LASP1: variants seen among roughly 807,000 people sequenced by gnomAD.
The protein encoded by LASP1 is LIM and SH3 domain protein 1.
In LASP1, 10 loss-of-function variants were observed where a neutral mutation model predicts 38.6. The observed-to-expected ratio is 0.26, with a 90% CI of 0.16 to 0.44. The LOEUF (loss-of-function observed/expected upper bound fraction) is 0.44, where lower values mean the gene tolerates loss of function less well. LASP1 is among the 20% of genes least tolerant of loss of function. LASP1 has a pLI of 1.00. For missense variants in LASP1, 243 were observed against 375.7 expected (o/e 0.65, Z 2.92); for synonymous variants, 132 against 140.8 (o/e 0.94, Z 0.44).
At chr17:38,892,734 A>G (rs1034099816) in intron 3 of LASP1, among the ~76,000 whole-genome samples, 1 of 152,170 alleles carries the variant, frequency 6.6e-6, no homozygotes, top group African/African-American at 2.4e-5. Context: ...CCTGCCCAGG[A>G]TGGGCAGCAA....
intron 2 of LASP1, among the ~76,000 whole-genome samples, chr17:38,883,519 G>T (rs1049201076): frequency 6.6e-6 from 1 of 152,178 alleles, no homozygotes; most frequent in African/African-American, 2.4e-5. Context: ...GTGTGGGGGA[G>T]GGCAAGTGCA....
At chr17:38,914,505 C>T (rs1442867959) in intron 5 of LASP1, 30 bp downstream of exon 5, 4 of 1,567,632 alleles carry the variant, frequency 2.6e-6, no homozygotes, top group South Asian at 1.2e-5. Flanking sequence ...GTGCAGATGA[C>T]CTGAGGCGAG....
intron 2 of LASP1, among the ~76,000 whole-genome samples, chr17:38,878,727 C>T (rs1913854843): frequency 6.6e-6 from 1 of 152,090 alleles, no homozygotes; most frequent in Non-Finnish European, 1.5e-5. Flanking sequence ...CTCATGCCAG[C>T]CCTTTTGGTG....
At chr17:38,917,636 G>A (rs947098533) in intron 6 of LASP1, among the ~76,000 whole-genome samples, 3 of 151,904 alleles carry the variant, frequency 2.0e-5, no homozygotes, top group African/African-American at 4.8e-5. Context: ...AGAAACTACT[G>A]GTGCTTATAA....
intron 3 of LASP1, among the ~76,000 whole-genome samples, chr17:38,897,766 G>T (rs1914527921): frequency 6.6e-6 from 1 of 152,196 alleles, no homozygotes; most frequent in African/African-American, 2.4e-5. Flanking sequence ...CGCGGGGCCT[G>T]TCAAAGGCGC....
At chr17:38,885,664 A>C (rs1914100967) in intron 2 of LASP1, among the ~76,000 whole-genome samples, 1 of 152,144 alleles carries the variant, frequency 6.6e-6, no homozygotes, top group Non-Finnish European at 1.5e-5. Context: ...ATTCCTCGCC[A>C]TGGCCCAGTC....
chr17:38,913,695 C>T (rs547702517), intron 4 of LASP1, among the ~76,000 whole-genome samples: 8 of 152,166 alleles, frequency 5.3e-5, no homozygotes, highest in South Asian at 2.1e-4. Flanking sequence ...CCGCCCCTGC[C>T]GCAGGCATAT....
At chr17:38,892,728 C>T (rs1914370819) in intron 3 of LASP1, among the ~76,000 whole-genome samples, 1 of 152,242 alleles carries the variant, frequency 6.6e-6, no homozygotes, top group African/African-American at 2.4e-5. Flanking sequence ...GTTCCCCCTG[C>T]CCAGGATGGG....
intron 1 of LASP1, 98 bp downstream of exon 1, chr17:38,870,356 G>T: frequency 7.4e-7 from 1 of 1,347,102 alleles, no homozygotes; most frequent in Non-Finnish European, 1.0e-6. Flanking sequence ...TTATCCCCGC[G>T]ATCCCAGGAG....
At position 38,897,713 on chromosome 17, in the gene LASP1, A is replaced by G. The variant is rs116986681; in HGVS notation, c.250-699A>G. On this transcript the variant is annotated intron_variant, in intron 3 of 6. Coordinates refer to ENST00000318008, the MANE Select transcript of LASP1 (RefSeq NM_006148.4). ...ACCCCCGCTGCTTTCCTCCCCTCCT[A>G]TGGCGGTGGCCTCTGAAGCCATCCC... 1.8e-3 allele frequency among the ~76,000 whole-genome samples: 279 copies of G among 152,176 alleles called. 5 individuals are homozygous for G. The East Asian group carries it at 0.041, about 22-fold the overall frequency.
At chr17:38,877,255 C>G (rs1598103987) in intron 1 of LASP1, among the ~76,000 whole-genome samples, 1 of 152,196 alleles carries the variant, frequency 6.6e-6, no homozygotes, top group Admixed American at 6.5e-5. Flanking sequence ...ATTGTACACA[C>G]CAGGAAGTGG....
chr17:38,898,422 A>G lies in LASP1; in HGVS notation c.260A>G (p.Lys87Arg), dbSNP rs1567700593. 2 of 1,548,988 alleles carry G rather than the reference A, an allele frequency of 1.3e-6. No homozygotes were observed. Among genetic ancestry groups the G allele is most frequent in the East Asian group, 2.4e-5 (1 of 40,876 alleles). ...CCTCCCCTCCTGCAGGTGCGCTACA[A>G]GGAGGAGTTTGAGAAGAACAAGGGC... is the stretch of plus-strand genomic sequence containing the variant. ...QSELQSQVRY[K>R]EEFEKNKGKG... Residue 87 changes from lysine to arginine, a missense_variant, in exon 4 of 7, where the codon AAG becomes AGG. Lys to Arg is a conservative substitution (Grantham distance 26). This residue lies in a region of LASP1 where 33 missense variants were observed against 39.8 expected (regional missense o/e 0.83). Transcript: ENST00000318008.
chr17:38,902,903 A>G (rs112498122), intron 4 of LASP1, among the ~76,000 whole-genome samples: 25,300 of 151,978 alleles, frequency 0.17, 2,637 homozygotes, highest in Non-Finnish European at 0.23. Context: ...GGGTTTTGCC[A>G]TATTGGCTCG....
At chr17:38,906,139 G>A (rs1598117865) in intron 4 of LASP1, among the ~76,000 whole-genome samples, 1 of 152,140 alleles carries the variant, frequency 6.6e-6, no homozygotes, top group Non-Finnish European at 1.5e-5. Context: ...AGGCTCTGAT[G>A]TTAGAACTGG....
At chr17:38,913,807 G>C (rs978268962) in intron 4 of LASP1, among the ~76,000 whole-genome samples, 2 of 151,350 alleles carry the variant, frequency 1.3e-5, no homozygotes, top group Non-Finnish European at 2.9e-5. Flanking sequence ...TTTGAGACCA[G>C]CCTGGTCAAC....
rs536503315 is a variant in LASP1, at chr17:38,880,931, C to T, written c.164+2751C>T. Among the ~76,000 whole-genome samples the T allele has an allele frequency of 7.2e-5, 11 of 152,162 alleles. No homozygotes were observed. The East Asian group carries it at 1.9e-3, about 27-fold the overall frequency. On this transcript the variant is annotated intron_variant, in intron 2 of 6. Coordinates refer to ENST00000318008, the MANE Select transcript of LASP1 (RefSeq NM_006148.4). ...TCAGCCTGGCCAACATGGTGAAACT[C>T]GTCTCTACTAAAAATACAAACATTA...
intron 1 of LASP1, among the ~76,000 whole-genome samples, chr17:38,875,056 CGTGTGTGTGTGTGT>C (rs3220064): frequency 5.0e-5 from 7 of 140,364 alleles, no homozygotes; most frequent in African/African-American, 8.2e-5. Flanking sequence ...TGTAGCCCTT[CGTGTGTGTGTGTGT>C]GTGTGTGTGT....
At chr17:38,881,548 T>C (rs1222965377) in intron 2 of LASP1, among the ~76,000 whole-genome samples, 1 of 152,228 alleles carries the variant, frequency 6.6e-6, no homozygotes, top group African/African-American at 2.4e-5. Context: ...GTCTTATCCT[T>C]GAGTGACATT....
intron 2 of LASP1, 184 bp from the exon 3 acceptor site, chr17:38,890,236 T>C: frequency 1.7e-6 from 1 of 589,982 alleles, no homozygotes; most frequent in Non-Finnish European, 3.0e-6. Context: ...CAGTCCCAGC[T>C]GAGTCTGAGA....
Sources: allele counts gnomAD v4.1 joint callset (sites outside exome capture counted in the v4.1 genomes callset), GRCh38; gene constraint gnomAD v4.1.1; regional missense constraint gnomAD v4.1.1; transcripts MANE v1.5; gene names NCBI Gene and HGNC (gene_info 2026-07-23, HGNC 2026-07-21).